CERS3: variants seen among roughly 807,000 people sequenced by gnomAD.
CERS3 encodes ceramide synthase 3, also known as LAG1 homolog, ceramide synthase 3.
CERS3 carries 33 observed loss-of-function variants against 50.3 expected under a neutral mutation model. That is an observed-to-expected ratio of 0.66 (90% CI 0.50 to 0.88). CERS3 has a LOEUF of 0.88. CERS3 is among the 40% of genes least tolerant of loss of function. CERS3 has a pLI of 0.00. For missense variants in CERS3, 470 were observed against 460.3 expected (o/e 1.02, Z -0.19); for synonymous variants, 176 against 155.2 (o/e 1.13, Z -0.99).
chr15:100,466,770 TTCCTTCCTTCCTTCC>T (rs1567638362), intron 10 of CERS3, among the ~76,000 whole-genome samples: 2 of 24,292 alleles, frequency 8.2e-5, no homozygotes, highest in African/African-American at 1.8e-4. Flanking sequence ...CCTTCCTTCC[TTCCTTCCTTCCTTCC>T]TTCCTTCCTC....
intron 1 of CERS3, among the ~76,000 whole-genome samples, chr15:100,527,758 C>T (rs1248556083): frequency 2.0e-5 from 3 of 152,108 alleles, no homozygotes; most frequent in African/African-American, 7.2e-5. Flanking sequence ...TATTATTAGC[C>T]CAGAATGATC....
chr15:100,479,032 C>G (rs548421938), intron 7 of CERS3, among the ~76,000 whole-genome samples: 5 of 151,958 alleles, frequency 3.3e-5, no homozygotes, highest in Non-Finnish European at 5.9e-5. Flanking sequence ...AGGACATATA[C>G]AGTAATGTCC....
intron 9 of CERS3, 32 bp downstream of exon 9, chr15:100,472,892 T>C (rs1333219647): frequency 2.5e-6 from 4 of 1,613,160 alleles, no homozygotes; most frequent in Non-Finnish European, 2.5e-6. Flanking sequence ...GGACATGGTA[T>C]TGTCATTAGT....
chr15:100,409,163 C>A, intron 11 of CERS3, among the ~76,000 whole-genome samples: 1 of 152,164 alleles, frequency 6.6e-6, no homozygotes, highest in East Asian at 1.9e-4. Context: ...TGCCCCGTCT[C>A]GCTACATCTT....
At position 100,442,198 on chromosome 15, in the gene CERS3, C is replaced by A. The variant is rs533847825; in HGVS notation, c.999+13695G>T. ...TTTTCATCAAATATAAAAACCCAGC[C>A]CAGTTCATGACTCGTTTGGCAGCAA... On this transcript the variant is annotated intron_variant, in intron 11 of 11. Coordinates refer to ENST00000679737, the MANE Select transcript of CERS3 (RefSeq NM_001378789.1). Among the ~76,000 whole-genome samples the A allele has an allele frequency of 7.2e-5, 11 of 152,244 alleles. No individual in the cohort carries two copies. The South Asian group carries it at 1.0e-3, about 14-fold the overall frequency.
intron 11 of CERS3, among the ~76,000 whole-genome samples, chr15:100,449,174 T>A (rs74545860): frequency 0.065 from 9,864 of 152,286 alleles, 444 homozygotes; most frequent in Middle Eastern, 0.099. Flanking sequence ...ATGATTGGTA[T>A]CTGAGCACTC....
At chr15:100,506,257 G>A (rs1048581457) in intron 2 of CERS3, among the ~76,000 whole-genome samples, 7 of 152,068 alleles carry the variant, frequency 4.6e-5, no homozygotes, top group African/African-American at 9.7e-5. Flanking sequence ...AAAAAATGAC[G>A]AATAATCCAG....
At chr15:100,538,281 G>A (rs1035997404) in intron 1 of CERS3, among the ~76,000 whole-genome samples, 2 of 152,188 alleles carry the variant, frequency 1.3e-5, no homozygotes, top group Non-Finnish European at 2.9e-5. Context: ...TCTGGAGGAT[G>A]GTAGCCCTCT....
At chr15:100,429,159 G>T (rs913415158) in intron 11 of CERS3, among the ~76,000 whole-genome samples, 1 of 152,122 alleles carries the variant, frequency 6.6e-6, no homozygotes, top group African/African-American at 2.4e-5. Flanking sequence ...CACTGTTTTG[G>T]GTGTTTGCAG....
intron 11 of CERS3, 125 bp from the exon 12 acceptor site, chr15:100,402,990 AT>A: frequency 2.2e-6 from 2 of 890,172 alleles, no homozygotes; most frequent in Non-Finnish European, 1.7e-6. Context: ...ATAACTAAAC[AT>A]TCACCAAGAT....
At chr15:100,436,655 AAAAT>A (rs1186955844) in intron 11 of CERS3, among the ~76,000 whole-genome samples, 3 of 152,168 alleles carry the variant, frequency 2.0e-5, no homozygotes, top group Non-Finnish European at 1.5e-5. Context: ...ATAAATAAAT[AAAAT>A]AAGATGCTAA....
At chr15:100,432,817 G>C (rs1364565842) in intron 11 of CERS3, among the ~76,000 whole-genome samples, 1 of 152,212 alleles carries the variant, frequency 6.6e-6, no homozygotes, top group Non-Finnish European at 1.5e-5. Context: ...TCACGGAAGA[G>C]GTGGTAGGGC....
rs1363645178 is a variant in CERS3 at position 100,415,789 on chromosome 15, G to A, written c.1000-12924C>T. ...TGAAAAACACACACCAGGGCCTGTC[G>A]GGGGGCAGGGAGTGAGGGAGGGGAG... On this transcript the variant is annotated intron_variant, in intron 11 of 11. Coordinates refer to ENST00000679737, the MANE Select transcript of CERS3 (RefSeq NM_001378789.1). Among the ~76,000 whole-genome samples, 9 of 105,720 alleles carry A rather than the reference G, an allele frequency of 8.5e-5. No homozygotes were observed. In the South Asian group the frequency reaches 8.6e-4, roughly 10 times the overall value. The allele number at this position is 105,720 out of a possible 152,430, so 69.4% of individuals were successfully genotyped here.
intron 11 of CERS3, among the ~76,000 whole-genome samples, chr15:100,423,016 G>A (rs2032559052): frequency 6.6e-6 from 1 of 150,412 alleles, no homozygotes; most frequent in Non-Finnish European, 1.5e-5. Flanking sequence ...CAGCACACCA[G>A]CATGGCACAT....
chr15:100,450,627 T>C (rs75383297), intron 11 of CERS3, among the ~76,000 whole-genome samples: 4,557 of 152,196 alleles, frequency 0.03, 92 homozygotes, highest in African/African-American at 0.05. Context: ...ATAAAAAAGA[T>C]AGAAACCTAT....
chr15:100,479,818 T>A (rs1567649291), intron 6 of CERS3, among the ~76,000 whole-genome samples, 171 bp downstream of exon 6: 2 of 152,064 alleles, frequency 1.3e-5, no homozygotes, highest in African/African-American at 2.4e-5. Context: ...TCTGCAGCAA[T>A]AAAAAAATCT....
chr15:100,512,776 C>CA (rs1383825311), intron 2 of CERS3, among the ~76,000 whole-genome samples: 1 of 152,016 alleles, frequency 6.6e-6, no homozygotes, highest in Non-Finnish European at 1.5e-5. Flanking sequence ...CTGAGCAAGT[C>CA]AAAAAAGGCC....
At chr15:100,482,192 C>T (rs2035324436) in intron 5 of CERS3, among the ~76,000 whole-genome samples, 1 of 152,240 alleles carries the variant, frequency 6.6e-6, no homozygotes. Context: ...ACTAGTTTCA[C>T]CTAAGAGTAA....
At chr15:100,420,340 A>G (rs2032329869) in intron 11 of CERS3, among the ~76,000 whole-genome samples, 1 of 152,122 alleles carries the variant, frequency 6.6e-6, no homozygotes, top group Non-Finnish European at 1.5e-5. Context: ...GAAGAAATGG[A>G]TAAATTCCTG....
Sources: allele counts gnomAD v4.1 joint callset (sites outside exome capture counted in the v4.1 genomes callset), GRCh38; gene constraint gnomAD v4.1.1; transcripts MANE v1.5; gene names NCBI Gene and HGNC (gene_info 2026-07-23, HGNC 2026-07-21).